The following HELZ variants were observed in gnomAD, a reference collection of about 807,000 sequenced individuals.
HELZ encodes the protein helicase with zinc finger.
HELZ carries 23 observed loss-of-function variants against 218.2 expected under a neutral mutation model. The observed-to-expected ratio is 0.11, with a 90% CI of 0.08 to 0.15. The LOEUF (loss-of-function observed/expected upper bound fraction) is 0.15, where lower values mean the gene tolerates loss of function less well. HELZ is among the 10% of genes least tolerant of loss of function. The pLI is 1.00. For missense variants in HELZ, 1,813 were observed against 2,353.7 expected (o/e 0.77, Z 4.75); for synonymous variants, 814 against 829.4 (o/e 0.98, Z 0.32).
At chr17:67,198,077 TATAA>T (rs541182190) in intron 7 of HELZ, among the ~76,000 whole-genome samples, 6 of 152,228 alleles carry the variant, frequency 3.9e-5, no homozygotes, top group Non-Finnish European at 8.8e-5. Context: ...ACATAACATA[TATAA>T]ATAGATAGGC....
At position 67,188,880 on chromosome 17, in the gene HELZ, T is replaced by C. The variant is rs151206639; in HGVS notation, c.865-264A>G. ...CAAAAGCTATCACCCTATATAACCA[T>C]CAACCTTCAAACTTTCCATACTCTT... On this transcript the variant is annotated intron_variant, in intron 11 of 32. Transcript: ENST00000358691. The surrounding 1 kb of genome is among the most constrained non-coding windows in gnomAD (Gnocchi z 4.1). Among the ~76,000 whole-genome samples, 243 of 152,292 alleles carry C rather than the reference T, an allele frequency of 1.6e-3. No homozygotes were observed. Among genetic ancestry groups the C allele is most frequent in the Non-Finnish European group, 2.7e-3 (186 of 68,022 alleles).
intron 12 of HELZ, among the ~76,000 whole-genome samples, chr17:67,184,453 A>G (rs1439855393): frequency 6.6e-6 from 1 of 152,138 alleles, no homozygotes; most frequent in African/African-American, 2.4e-5. Flanking sequence ...ACACCCAATC[A>G]AGTGGAAGAT....
Position 67,164,701 on chromosome 17 carries a change from T to C in HELZ, c.1895+1777A>G, listed in dbSNP as rs1042034790. Among the ~76,000 whole-genome samples, 9 of 152,204 alleles carry C rather than the reference T, an allele frequency of 5.9e-5. 1 individual carries two copies. Among genetic ancestry groups the C allele is most frequent in the African/African-American group, 1.4e-4 (6 of 41,514 alleles). ...AACAAACTTCAAGGTAATTCAACAT[T>C]GCTAAAACATGAGAGTTTAGAGGGA... On this transcript the variant is annotated intron_variant, in intron 15 of 32. Transcript: ENST00000358691.
intron 31 of HELZ, among the ~76,000 whole-genome samples, chr17:67,103,902 G>A (rs1406515373): frequency 6.6e-6 from 1 of 152,192 alleles, no homozygotes; most frequent in African/African-American, 2.4e-5. Flanking sequence ...CAGACACACA[G>A]ATAAATGAAA....
At chr17:67,225,069 A>T in intron 3 of HELZ, 1 of 569,302 alleles carries the variant, frequency 1.8e-6, no homozygotes, top group Non-Finnish European at 3.2e-6. Context: ...GAAGACAATA[A>T]AATCTTGAGT....
intron 26 of HELZ, 141 bp from the exon 27 acceptor site, chr17:67,120,753 T>C: frequency 1.6e-6 from 1 of 638,132 alleles, no homozygotes; most frequent in Non-Finnish European, 2.8e-6. Flanking sequence ...TCAAAATAAA[T>C]AACTACAAAG....
At chr17:67,115,631 C>G (rs79173001) in intron 27 of HELZ, among the ~76,000 whole-genome samples, 1 of 151,822 alleles carries the variant, frequency 6.6e-6, no homozygotes, top group African/African-American at 2.4e-5. Flanking sequence ...CTGGAAAAAA[C>G]GCAAGTGAGA....
intron 3 of HELZ, among the ~76,000 whole-genome samples, chr17:67,228,563 G>A (rs1295384274): frequency 1.3e-5 from 2 of 151,688 alleles, no homozygotes; most frequent in African/African-American, 2.4e-5. Flanking sequence ...CTTGGAAGCT[G>A]AGACATGAGA....
chr17:67,171,447 G>A (rs2039308897), intron 13 of HELZ, among the ~76,000 whole-genome samples: 1 of 152,106 alleles, frequency 6.6e-6, no homozygotes, highest in Non-Finnish European at 1.5e-5. Flanking sequence ...CCTTGACCCT[G>A]CCTCTCTTAC....
At chr17:67,201,492 A>C (rs2040167599) in intron 6 of HELZ, among the ~76,000 whole-genome samples, 1 of 152,220 alleles carries the variant, frequency 6.6e-6, no homozygotes, top group African/African-American at 2.4e-5. Context: ...ACAAGACAGC[A>C]TAAATGAAAA....
intron 24 of HELZ, among the ~76,000 whole-genome samples, chr17:67,126,383 T>C (rs2037797428): frequency 6.6e-6 from 1 of 151,822 alleles, no homozygotes; most frequent in African/African-American, 2.4e-5. Flanking sequence ...GCCTATGGAG[T>C]AAAAAGATAG....
At chr17:67,201,867 T>G (rs2040177817) in intron 6 of HELZ, among the ~76,000 whole-genome samples, 1 of 152,244 alleles carries the variant, frequency 6.6e-6, no homozygotes, top group Non-Finnish European at 1.5e-5. Context: ...TTTTAGCTTT[T>G]AAGTTCATTT....
chr17:67,150,057 T>C (rs1449347467), intron 18 of HELZ, 72 bp from the exon 19 acceptor site: 2 of 828,738 alleles, frequency 2.4e-6, no homozygotes, highest in Non-Finnish European at 4.0e-6. Flanking sequence ...ATAGTTATTT[T>C]CTTTTCTGCT....
At chr17:67,163,151 T>C (rs1471354454) in intron 15 of HELZ, among the ~76,000 whole-genome samples, 2 of 152,346 alleles carry the variant, frequency 1.3e-5, no homozygotes, top group Admixed American at 1.3e-4. Flanking sequence ...AGAAAAATAA[T>C]TGAGCAACAA....
At chr17:67,149,824 A>T in intron 19 of HELZ, 43 bp downstream of exon 19, 1 of 1,089,300 alleles carries the variant, frequency 9.2e-7, no homozygotes, top group Non-Finnish European at 1.4e-6. Context: ...ATCAAAATAT[A>T]ATTAAAAGTT....
chr17:67,223,066 TG>T lies in HELZ; in HGVS notation c.-18-4245del, dbSNP rs2040792449. On this transcript the variant is annotated intron_variant, in intron 3 of 32. Coordinates refer to ENST00000358691, the MANE Select transcript of HELZ (RefSeq NM_014877.4). ...ATCGAGCCCATCCTGGCTAACACGG[TG>T]AAACCCCATCTCTACTAAAAATACA... 2.9e-5 allele frequency among the ~76,000 whole-genome samples: 4 copies of T among 136,622 alleles called. No homozygotes were observed. The South Asian group carries it at 9.1e-4, about 31-fold the overall frequency. 89.6% of individuals were successfully genotyped at this position (136,622 alleles called of 152,430 possible).
chr17:67,109,080 C>A, intron 29 of HELZ, 36 bp downstream of exon 29: 1 of 1,471,410 alleles, frequency 6.8e-7, no homozygotes. Flanking sequence ...GTTAAGTAAT[C>A]TCTGAATTTT....
chr17:67,217,305 T>G (rs925512667), intron 4 of HELZ, among the ~76,000 whole-genome samples: 10 of 152,178 alleles, frequency 6.6e-5, no homozygotes, highest in Non-Finnish European at 1.0e-4. Context: ...ATTCAATACA[T>G]TAGGAAACCT....
intron 31 of HELZ, among the ~76,000 whole-genome samples, chr17:67,093,438 A>C (rs1370206689): frequency 6.6e-6 from 1 of 152,224 alleles, no homozygotes; most frequent in Non-Finnish European, 1.5e-5. Context: ...GAAAATTATC[A>C]AAAAAGATTA....
Sources: allele counts gnomAD v4.1 joint callset (sites outside exome capture counted in the v4.1 genomes callset), GRCh38; gene constraint gnomAD v4.1.1; non-coding constraint Gnocchi (gnomAD v3.1); transcripts MANE v1.5; gene names NCBI Gene and HGNC (gene_info 2026-07-23, HGNC 2026-07-21).